KRT6A: variants seen among roughly 807,000 people sequenced by gnomAD.
The protein encoded by KRT6A is keratin 6A, also known as keratin, type II cytoskeletal 6A.
Under a neutral mutation model 48.6 loss-of-function variants are expected in KRT6A, and 28 were observed. The observed-to-expected ratio is 0.58, with a 90% CI of 0.43 to 0.79. The LOEUF (loss-of-function observed/expected upper bound fraction) is 0.79. Ranked by LOEUF, KRT6A falls within the 30% of genes least tolerant of loss-of-function variation. The pLI is 0.00. For missense variants in KRT6A, 687 were observed against 724.3 expected (o/e 0.95, Z 0.59); for synonymous variants, 301 against 294.2 (o/e 1.02, Z -0.24).
Position 52,493,149 on chromosome 12 carries a change from T to G in KRT6A, c.40A>C (p.Ser14Arg). The stretch of plus-strand genomic sequence containing the variant: ...GAGTTGGCACTGAAACCCCGGCGGC[T>G]GCTGCTGTGGCTCCTGATGGTGGTG... The part of the protein sequence containing the change: ...TSTTIRSHSS[S>R]RRGFSANSAR... Residue 14 changes from serine to arginine, a missense_variant, in exon 1 of 9, where the codon AGC becomes CGC. By Grantham distance (110) the Ser-to-Arg change is moderately radical. Transcript: ENST00000330722. 1.2e-6 allele frequency: 2 copies of G among 1,613,902 alleles called. No homozygotes were observed. Among genetic ancestry groups the G allele is most frequent in the Middle Eastern group, 1.7e-4 (1 of 6,048 alleles).
rs548869463 is a variant in KRT6A, at chr12:52,492,882, C to T, written c.307G>A (p.Gly103Ser). The T allele has an allele frequency of 1.5e-4, 239 of 1,607,922 alleles. 3 individuals carry two copies. The East Asian group carries it at 4.7e-3, about 32-fold the overall frequency. Reference sequence around the variant, plus strand: ...CCAAAGCCAATGCCGGCTCCACCACCGAAACCAAATCCACTCCCGGCGCCA... The same window carrying T: ...CCAAAGCCAATGCCGGCTCCACCACTGAAACCAAATCCACTCCCGGCGCCA... ...FGGAGSGFGF[G>S]GGAGIGFGLG... The change falls in exon 1 of 9, where the codon GGT (glycine) becomes AGT (serine). Residue 103 changes from glycine (G) to serine (S), a missense_variant. Transcript: ENST00000330722.
chr12:52,487,519 G>C lies in KRT6A; in HGVS notation c.*201C>G. On this transcript the variant is annotated 3_prime_UTR_variant, in exon 9 of 9. Transcript: ENST00000330722. ...GATTACATCATGATGTAAAATCAGA[G>C]GTTGATCTGATGGTGAGCAATGGGT... is the stretch of plus-strand genomic sequence containing the variant. 1 of 636,820 alleles carries C rather than the reference G, an allele frequency of 1.6e-6. No homozygotes were observed. The highest frequency in any genetic ancestry group is 2.8e-6 in the Non-Finnish European group (1 of 361,904). 39.4% of individuals were successfully genotyped at this position (636,820 alleles called of 1,614,324 possible).
In KRT6A at chr12:52,490,584, G is replaced by C; in HGVS notation, c.1062C>G (p.Ser354=). The change falls in exon 5 of 9, where the codon TCC becomes TCG. Residue 354 remains serine, a synonymous_variant. Transcript: ENST00000330722. ...CCCTGCTCACCTTGGTCTGGTACCAGGACTCAGCCTCAGCCCGGCTTCTCT... is the reference window on the plus strand; with the variant it reads ...CCCTGCTCACCTTGGTCTGGTACCACGACTCAGCCTCAGCCCGGCTTCTCT... ...IAQRSRAEAE[S]WYQTKYEELQ... 6.2e-7 allele frequency: 1 copy of C among 1,614,188 alleles called. No homozygotes were observed. The highest frequency in any genetic ancestry group is 8.5e-7 in the Non-Finnish European group (1 of 1,180,030).
chr12:52,487,256 A>C lies in KRT6A; in HGVS notation c.*464T>G. The C allele has an allele frequency of 5.1e-6, 1 of 197,096 alleles. No individual in the cohort carries two copies. The highest frequency in any genetic ancestry group is 1.1e-5 in the Non-Finnish European group (1 of 94,910). The allele number at this position is 197,096 out of a possible 1,614,324, so 12.2% of individuals were successfully genotyped here. On this transcript the variant is annotated 3_prime_UTR_variant, in exon 9 of 9. Transcript: ENST00000330722. ...CATCACAGAGATACAGGCTTTGTAC[A>C]TCATAGGACTAGTCACTTGTGCTTT...
intron 7 of KRT6A, 47 bp downstream of exon 7, chr12:52,488,281 C>T: frequency 1.2e-6 from 2 of 1,614,124 alleles, no homozygotes; most frequent in Non-Finnish European, 8.5e-7. Flanking sequence ...TGCCAGGAAC[C>T]TTGAAGATGG....
chr12:52,488,133 C>A, intron 7 of KRT6A, 30 bp from the exon 8 acceptor site: 1 of 1,613,966 alleles, frequency 6.2e-7, no homozygotes, highest in Non-Finnish European at 8.5e-7. Context: ...GAGGGTGAGA[C>A]CTCAGAGAGC....
Position 52,492,647 on chromosome 12 carries a change from A to G in KRT6A, c.540+2T>C. The G allele has an allele frequency of 1.4e-5, 22 of 1,613,974 alleles. No individual in the cohort carries two copies. The highest frequency in any genetic ancestry group is 1.9e-5 in the Non-Finnish European group (22 of 1,179,906). On this transcript the variant is annotated splice_donor_variant, in intron 1 of 8. Coordinates refer to ENST00000330722, the MANE Select transcript of KRT6A (RefSeq NM_005554.4). LOFTEE classifies it high-confidence loss of function. ...CCCATGGAGGGCATGGCACTGGCTC[A>G]CCTTGTCGATGAAGGAGGCAAACTT...
At chr12:52,491,211 G>A (rs777827762) in intron 2 of KRT6A, 39 bp from the exon 3 acceptor site, 82 of 1,613,004 alleles carry the variant, frequency 5.1e-5, no homozygotes, top group Admixed American at 6.7e-5. Flanking sequence ...TGAGCCAGTG[G>A]GTAGGATGAA....
chr12:52,490,410 G>C (rs1198049567), intron 5 of KRT6A, 159 bp downstream of exon 5: 5 of 1,313,014 alleles, frequency 3.8e-6, no homozygotes, highest in Admixed American at 1.8e-5. Context: ...TCTTGACTTG[G>C]GCATAAGTTC....
Position 52,490,967 on chromosome 12 carries a change from C to A in KRT6A, c.817-14G>T, listed in dbSNP as rs762210369. The A allele has an allele frequency of 1.9e-6, 3 of 1,613,866 alleles. No homozygotes were observed. In the South Asian group the frequency reaches 3.3e-5, roughly 18 times the overall value. On this transcript the variant is annotated splice_polypyrimidine_tract_variant and intron_variant, in intron 3 of 8. Coordinates refer to ENST00000330722, the MANE Select transcript of KRT6A (RefSeq NM_005554.4). ...AGCATCCACATCCTGGGGAAAGAGC[C>A]AACAACCTGGAGTTACCTGAGCTCA... is the stretch of plus-strand genomic sequence containing the variant.
Position 52,487,342 on chromosome 12 carries a change from T to A in KRT6A, c.*378A>T. On this transcript the variant is annotated 3_prime_UTR_variant, in exon 9 of 9. Coordinates refer to ENST00000330722, the MANE Select transcript of KRT6A (RefSeq NM_005554.4). ...ATAAGTTAGAGAGTTTGAGAGCCAG[T>A]GGAAAGTAAGTGGAAGTTGTTCTGA... 1 of 303,390 alleles carries A rather than the reference T, an allele frequency of 3.3e-6. No homozygotes were observed. Among genetic ancestry groups the A allele is most frequent in the Non-Finnish European group, 6.3e-6 (1 of 159,080 alleles). 18.8% of individuals were successfully genotyped at this position (303,390 alleles called of 1,614,324 possible).
chr12:52,491,166 C>A lies in KRT6A; in HGVS notation c.762G>T (p.Glu254Asp). The A allele has an allele frequency of 1.2e-6, 2 of 1,613,918 alleles. No homozygotes were observed. The highest frequency in any genetic ancestry group is 2.2e-5 in the South Asian group (2 of 91,058). Residue 254 changes from glutamate to aspartate, a missense_variant, in exon 3 of 9, where the codon GAG (glutamate) becomes GAT (aspartate). Around this residue, in one of 3 missense-constraint regions of KRT6A, gnomAD observed 566 missense variants for 565.3 expected, o/e 1.00. Coordinates refer to ENST00000330722, the MANE Select transcript of KRT6A (RefSeq NM_005554.4). ...DLVEDFKNKY[E>D]DEINKRTAAE... Reference sequence around the variant, plus strand: ...CTGCTGTGCGCTTGTTGATTTCATCCTCATATCTACAGGAAGAAAGGCATG... The same window carrying A: ...CTGCTGTGCGCTTGTTGATTTCATCATCATATCTACAGGAAGAAAGGCATG...
rs200693998 is a variant in KRT6A, at chr12:52,488,073, G to A, written c.1455C>T (p.Asn485=). The A allele has an allele frequency of 2.5e-6, 4 of 1,614,090 alleles. No individual in the cohort carries two copies. The highest frequency in any genetic ancestry group is 4.5e-5 in the East Asian group (2 of 44,876). ...RLNGEGVGQV[N]ISVVQSTVSS... is the part of the protein sequence containing the mutation. ...AAGGCAAGCAAAGGTACTTACAGAT[G>A]TTGACTTGTCCAACGCCTTCGCCAT... Residue 485 remains asparagine, a synonymous_variant, in exon 8 of 9, where the codon AAC becomes AAT. Coordinates refer to ENST00000330722, the MANE Select transcript of KRT6A (RefSeq NM_005554.4).
chr12:52,487,429 A>G lies in KRT6A; in HGVS notation c.*291T>C. 2.1e-6 allele frequency: 1 copy of G among 476,342 alleles called. No homozygotes were observed. Among genetic ancestry groups the G allele is most frequent in the South Asian group, 2.7e-5 (1 of 36,934 alleles). The allele number at this position is 476,342 out of a possible 1,614,324, so 29.5% of individuals were successfully genotyped here. The stretch of plus-strand genomic sequence containing the variant: ...CAGAGGTCATTTTCTTATAATGCTC[A>G]GCCTCAGAGATAGAACACTGGAGGC... On this transcript the variant is annotated 3_prime_UTR_variant, in exon 9 of 9. Coordinates refer to ENST00000330722, the MANE Select transcript of KRT6A (RefSeq NM_005554.4).
At chr12:52,492,501 T>C (rs1938285750) in intron 1 of KRT6A, 148 bp downstream of exon 1, 1 of 1,416,538 alleles carries the variant, frequency 7.1e-7, no homozygotes, top group Non-Finnish European at 9.9e-7. Context: ...TCCCTGCTGC[T>C]TGCTGGGCAC....
intron 1 of KRT6A, among the ~76,000 whole-genome samples, 155 bp downstream of exon 1, chr12:52,492,494 C>T (rs1261786890): frequency 6.6e-6 from 1 of 152,194 alleles, no homozygotes; most frequent in African/African-American, 2.4e-5. Flanking sequence ...ATGCCCATCC[C>T]TGCTGCTTGC....
chr12:52,488,114 G>C lies in KRT6A; in HGVS notation c.1425-11C>G, dbSNP rs373171319. On this transcript the variant is annotated splice_polypyrimidine_tract_variant and intron_variant, in intron 7 of 8. Transcript: ENST00000330722. ...CCTTCGCCATTCAGCCTGTGGAGAG[G>C]AACACAGGGAGGGTGAGACCTCAGA... is the stretch of plus-strand genomic sequence containing the variant. 87 of 1,614,002 alleles carry C rather than the reference G, an allele frequency of 5.4e-5. 1 individual carries two copies. In the African/African-American group the frequency reaches 1.0e-3, roughly 19 times the overall value.
At chr12:52,488,695 T>TA in intron 6 of KRT6A, 147 bp from the exon 7 acceptor site, 2 of 1,159,200 alleles carry the variant, frequency 1.7e-6, no homozygotes, top group Non-Finnish European at 2.5e-6. Flanking sequence ...TTTTTTTTTT[T>TA]ATTTTGCAGT....
chr12:52,492,493 C>T (rs527690081), intron 1 of KRT6A, among the ~76,000 whole-genome samples, 156 bp downstream of exon 1: 4 of 152,272 alleles, frequency 2.6e-5, no homozygotes, highest in Admixed American at 2.6e-4. Context: ...GATGCCCATC[C>T]CTGCTGCTTG....
Sources: gnomAD v4.1 joint callset for allele counts (sites outside exome capture counted in the v4.1 genomes callset) on GRCh38, gnomAD v4.1.1 for gene constraint, gnomAD v4.1.1 regional missense constraint, MANE v1.5 for transcripts, NCBI Gene and HGNC (gene_info 2026-07-23, HGNC 2026-07-21) for gene names.